Variants in PDE4D observed in about 807,000 individuals in gnomAD.
The protein encoded by PDE4D is 3',5'-cyclic-AMP phosphodiesterase 4D.
A neutral mutation model predicts 87.4 loss-of-function variants in PDE4D; 24 were observed. That is an observed-to-expected ratio of 0.27 (90% confidence interval 0.20 to 0.39). PDE4D has a LOEUF of 0.39. Ranked by LOEUF, PDE4D falls within the 10% of genes least tolerant of loss-of-function variation. PDE4D has a pLI of 1.00. For missense variants in PDE4D, 714 were observed against 1,041.0 expected (o/e 0.69, Z 4.32); for synonymous variants, 384 against 383.2 (o/e 1.00, Z -0.02).
At position 59,504,203 on chromosome 5, in the gene PDE4D, C is replaced by T. The variant is rs115086413; in HGVS notation, c.456-288235G>A. Among the ~76,000 whole-genome samples, 411 of 152,206 alleles carry T rather than the reference C, an allele frequency of 2.7e-3. 2 individuals carry two copies. The highest frequency in any genetic ancestry group is 9.2e-3 in the African/African-American group (384 of 41,544). On this transcript the variant is annotated intron_variant, in intron 1 of 14. Coordinates refer to ENST00000340635, the MANE Select transcript of PDE4D (RefSeq NM_001104631.2). ...GAGTAATATAGGGCCCATTTGAATC[C>T]TAACACTGATTTGTCATCCTGTTTA... is the stretch of plus-strand genomic sequence containing the variant.
chr5:60,287,933 T>C (rs1478846076), intron 1 of PDE4D, among the ~76,000 whole-genome samples: 1 of 152,226 alleles, frequency 6.6e-6, no homozygotes, highest in Non-Finnish European at 1.5e-5. Context: ...GCCTCCAGCA[T>C]TTTAAAGGAG....
At chr5:59,715,265 T>C (rs558690200) in intron 1 of PDE4D, among the ~76,000 whole-genome samples, 4 of 152,346 alleles carry the variant, frequency 2.6e-5, no homozygotes, top group Non-Finnish European at 5.9e-5. Context: ...ACAAGTCCCT[T>C]AGCAGCAGAG....
chr5:59,914,471 T>C (rs924560934), intron 3 of PDE4D, among the ~76,000 whole-genome samples: 1 of 151,678 alleles, frequency 6.6e-6, no homozygotes, highest in Admixed American at 6.6e-5. Flanking sequence ...GCAAGACAAC[T>C]AGGAGGCCTG....
chr5:60,354,158 T>C (rs1329000170), intron 1 of PDE4D, among the ~76,000 whole-genome samples: 2 of 152,130 alleles, frequency 1.3e-5, no homozygotes, highest in Non-Finnish European at 2.9e-5. Flanking sequence ...AGGTGAATAA[T>C]TTAGAAAGAA....
chr5:59,986,284 G>A (rs955954239), intron 3 of PDE4D: 2 of 152,632 alleles, frequency 1.3e-5, no homozygotes, highest in Admixed American at 1.3e-4. Context: ...TCAAATTCAT[G>A]AGGTCAATCA....
At chr5:59,693,630 T>C (rs2150415253) in intron 1 of PDE4D, among the ~76,000 whole-genome samples, 1 of 152,280 alleles carries the variant, frequency 6.6e-6, no homozygotes, top group Non-Finnish European at 1.5e-5. Flanking sequence ...CAAATGTATG[T>C]GGTTCCATTT....
intron 1 of PDE4D, among the ~76,000 whole-genome samples, chr5:60,518,694 A>T (rs1272560132): frequency 6.6e-6 from 1 of 151,352 alleles, no homozygotes; most frequent in Admixed American, 6.6e-5. Flanking sequence ...GCCTGGTGTT[A>T]TTTTTTTTTC....
chr5:59,953,423 A>T (rs1409931872), intron 3 of PDE4D, among the ~76,000 whole-genome samples: 1 of 152,138 alleles, frequency 6.6e-6, no homozygotes, highest in Non-Finnish European at 1.5e-5. Flanking sequence ...TTTAGGTTTC[A>T]TATGTTTCAT....
At chr5:60,259,682 A>G (rs1042138249) in intron 1 of PDE4D, among the ~76,000 whole-genome samples, 30 of 152,084 alleles carry the variant, frequency 2.0e-4, no homozygotes, top group African/African-American at 7.0e-4. Context: ...AGTGCCTTCC[A>G]CTTATGGACA....
intron 1 of PDE4D, among the ~76,000 whole-genome samples, chr5:59,283,310 T>C (rs543563384): frequency 3.3e-5 from 5 of 152,322 alleles, no homozygotes; most frequent in Non-Finnish European, 7.3e-5. Flanking sequence ...TTGTCTTCCT[T>C]TGGATCCTGT....
intron 1 of PDE4D, among the ~76,000 whole-genome samples, chr5:59,668,735 G>A (rs1388857496): frequency 1.1e-5 from 1 of 90,250 alleles, no homozygotes; most frequent in African/African-American, 4.0e-5. Context: ...AGAAGAAGAA[G>A]AAAGAAGAAG....
intron 8 of PDE4D, among the ~76,000 whole-genome samples, chr5:58,991,184 A>C (rs1747824823): frequency 1.3e-5 from 2 of 152,174 alleles, no homozygotes; most frequent in Admixed American, 1.3e-4. Flanking sequence ...TGGGAGGCTG[A>C]GGCAGGAGAA....
Position 59,247,068 on chromosome 5 carries a change from A to G in PDE4D, c.456-31100T>C, listed in dbSNP as rs1237168941. On this transcript the variant is annotated intron_variant, in intron 1 of 14. Transcript: ENST00000340635. ...ACATATACATTCATGCACCAATATA[A>G]TATGGTTTTCAAAATCATGTCACAT... 3.9e-5 allele frequency among the ~76,000 whole-genome samples: 6 copies of G among 152,314 alleles called. No homozygotes were observed. In the East Asian group the frequency reaches 1.2e-3, roughly 29 times the overall value.
At chr5:59,651,226 A>G (rs1743427855) in intron 1 of PDE4D, among the ~76,000 whole-genome samples, 1 of 149,884 alleles carries the variant, frequency 6.7e-6, no homozygotes, top group Admixed American at 6.7e-5. Context: ...ACTGCACTCC[A>G]GCCTGGGCAA....
intron 1 of PDE4D, among the ~76,000 whole-genome samples, chr5:60,486,295 G>A (rs1440684895): frequency 2.0e-5 from 3 of 152,116 alleles, no homozygotes; most frequent in Non-Finnish European, 4.4e-5. Flanking sequence ...ATTACTATTC[G>A]TGTCTATGGC....
intron 5 of PDE4D, among the ~76,000 whole-genome samples, chr5:59,074,305 G>A (rs1172740299): frequency 6.6e-6 from 1 of 152,146 alleles, no homozygotes; most frequent in African/African-American, 2.4e-5. Flanking sequence ...CCTTGGAGTA[G>A]TAATAAAAGG....
intron 1 of PDE4D, among the ~76,000 whole-genome samples, chr5:59,428,225 A>T (rs1795597832): frequency 6.6e-6 from 1 of 152,194 alleles, no homozygotes; most frequent in Non-Finnish European, 1.5e-5. Context: ...TTATAAGGAT[A>T]TACTTAGCTT....
chr5:59,610,761 G>T (rs1331757716), intron 1 of PDE4D, among the ~76,000 whole-genome samples: 1 of 152,146 alleles, frequency 6.6e-6, no homozygotes, highest in Non-Finnish European at 1.5e-5. Context: ...GGGGGAAAAG[G>T]AGACTACATG....
At chr5:59,544,724 G>C (rs1816960615) in intron 1 of PDE4D, among the ~76,000 whole-genome samples, 1 of 152,170 alleles carries the variant, frequency 6.6e-6, no homozygotes. Flanking sequence ...GAAGCGAGCT[G>C]TTAGCTGAAT....
Sources: allele counts gnomAD v4.1 joint callset (sites outside exome capture counted in the v4.1 genomes callset), GRCh38; gene constraint gnomAD v4.1.1; transcripts MANE v1.5; gene names NCBI Gene and HGNC (gene_info 2026-07-23, HGNC 2026-07-21).